The following HDAC7 variants were observed in gnomAD, a reference collection of about 807,000 sequenced individuals.
HDAC7 encodes histone deacetylase 7A.
In HDAC7, 26 loss-of-function variants were observed where a neutral mutation model predicts 115.5. The observed-to-expected ratio is 0.23, with a 90% CI of 0.16 to 0.31. The LOEUF (loss-of-function observed/expected upper bound fraction) is 0.31. HDAC7 is among the 10% of genes least tolerant of loss of function. The pLI is 1.00. For synonymous variants in HDAC7, 564 were observed against 550.9 expected (o/e 1.02, Z -0.33); for missense variants, 1,068 against 1,329.0 (o/e 0.80, Z 3.05).
At chr12:47,806,675 C>A (rs1256007939) in intron 1 of HDAC7, among the ~76,000 whole-genome samples, 2 of 152,064 alleles carry the variant, frequency 1.3e-5, no homozygotes, top group African/African-American at 4.8e-5. Context: ...GGCGACAGAG[C>A]AAGACTCCGT....
chr12:47,819,738 G>A (rs1489626519), intron 1 of HDAC7, 29 bp downstream of exon 1: 3 of 784,934 alleles, frequency 3.8e-6, no homozygotes, highest in African/African-American at 1.9e-5. Context: ...CGCGCAGGGC[G>A]GGGCGGGGGG....
At chr12:47,792,285 A>C in intron 13 of HDAC7, 36 of 476,546 alleles carry the variant, frequency 7.6e-5, no homozygotes, top group East Asian at 1.5e-4. Flanking sequence ...GCCTTCCCAC[A>C]TGCGGACACG....
At position 47,798,598 on chromosome 12, in the gene HDAC7, G is replaced by T. The variant is rs1447435678; in HGVS notation, c.313C>A (p.Leu105Met). ...TTGTCCTTGTGGAGAAGCTGCCGCA[G>T]CTCTTGTTCCTGGGGTCCCACCTGC... is the stretch of plus-strand genomic sequence containing the variant. ...ELQVGPQEQE[L>M]RQLLHKDKSK... Residue 105 changes from leucine (L) to methionine (M), a missense_variant, in exon 4 of 26, where the codon CTG becomes ATG. Leu to Met is a conservative substitution (Grantham distance 15). Around this residue, in one of 6 missense-constraint regions of HDAC7, gnomAD observed 161 missense variants for 158.5 expected, o/e 1.02. Coordinates refer to ENST00000080059, the MANE Select transcript of HDAC7 (RefSeq NM_015401.5). This position sits in a 1 kb window ranked among gnomAD's most constrained non-coding sequence, Gnocchi z 4.3. 1 of 1,614,050 alleles carries T rather than the reference G, an allele frequency of 6.2e-7. No individual in the cohort carries two copies. Among genetic ancestry groups the T allele is most frequent in the Admixed American group, 1.7e-5 (1 of 60,018 alleles).
intron 1 of HDAC7, among the ~76,000 whole-genome samples, chr12:47,810,039 C>T (rs1363948310): frequency 1.3e-5 from 2 of 152,058 alleles, no homozygotes; most frequent in African/African-American, 2.4e-5. Context: ...CTCTGCCTCC[C>T]GGATTCAAGT....
At chr12:47,789,047 G>T (rs1432612984) in intron 19 of HDAC7, 3 of 570,426 alleles carry the variant, frequency 5.3e-6, no homozygotes, top group Non-Finnish European at 9.4e-6. Context: ...CGTTGCAGGG[G>T]TTTGCGATGG....
intron 1 of HDAC7, among the ~76,000 whole-genome samples, chr12:47,814,762 C>T (rs995435735): frequency 3.3e-5 from 5 of 152,188 alleles, no homozygotes; most frequent in East Asian, 3.8e-4. Context: ...TTCACAAGCA[C>T]GGCTCCAGAG....
chr12:47,808,266 G>C (rs925830053), intron 1 of HDAC7, among the ~76,000 whole-genome samples: 1 of 152,158 alleles, frequency 6.6e-6, no homozygotes, highest in Non-Finnish European at 1.5e-5. Context: ...TCCCACATGC[G>C]GCTGTTGTAA....
Position 47,795,482 on chromosome 12 carries a change from A to C in HDAC7, c.1088-102T>G. On this transcript the variant is annotated intron_variant, in intron 10 of 25. Coordinates refer to ENST00000080059, the MANE Select transcript of HDAC7 (RefSeq NM_015401.5). This position sits in a 1 kb window ranked among gnomAD's most constrained non-coding sequence, Gnocchi z 4.3. Reference sequence around the variant, plus strand: ...GCCAGGGTGCAGCAGGGCAATGCGCAGGACAGGGGGACAGAGATGGGGAGG... The same window carrying C: ...GCCAGGGTGCAGCAGGGCAATGCGCCGGACAGGGGGACAGAGATGGGGAGG... 2 of 1,394,168 alleles carry C rather than the reference A, an allele frequency of 1.4e-6. No individual in the cohort carries two copies. Among genetic ancestry groups the C allele is most frequent in the Non-Finnish European group, 9.9e-7 (1 of 1,011,458 alleles). 86.4% of individuals were successfully genotyped at this position (1,394,168 alleles called of 1,614,324 possible).
intron 2 of HDAC7, among the ~76,000 whole-genome samples, chr12:47,800,270 T>G (rs1944098916): frequency 6.6e-6 from 1 of 152,156 alleles, no homozygotes. Context: ...AGAGCTAGCA[T>G]GGGTTCTGGT....
rs1473604718 is a variant in HDAC7, at chr12:47,789,311, G to A, written c.2185C>T (p.Arg729Trp). 1.9e-6 allele frequency: 3 copies of A among 1,614,020 alleles called. No individual in the cohort carries two copies. Among genetic ancestry groups the A allele is most frequent in the Non-Finnish European group, 2.5e-6 (3 of 1,180,012 alleles). The change falls in exon 19 of 26, where the codon CGG becomes TGG. Residue 729 changes from arginine to tryptophan, a missense_variant. Physicochemically the swap from Arg to Trp is moderately radical, Grantham distance 101 (BLOSUM62 -3). Coordinates refer to ENST00000080059, the MANE Select transcript of HDAC7 (RefSeq NM_015401.5). ...GCCTTGCTCTGCTGTTGCAGCTGCCGGCAGGCGATGGCCACTGAGTTGAAG... is the reference window on the plus strand; with the variant it reads ...GCCTTGCTCTGCTGTTGCAGCTGCCAGCAGGCGATGGCCACTGAGTTGAAG... ...CFFNSVAIAC[R>W]QLQQQSKASK... is the part of the protein sequence containing the mutation.
In HDAC7 at chr12:47,795,587, C is replaced by G; in HGVS notation, c.1087G>C (p.Val363Leu). ...PSGSHAPLLT[V>L]PGLGPLPFHF... Reference sequence around the variant, plus strand: ...TTCCCTGAAGAAGCAGCAGACTCACCAGTCAGCAGCGGGGCATGAGAGCCT... The same window carrying G: ...TTCCCTGAAGAAGCAGCAGACTCACGAGTCAGCAGCGGGGCATGAGAGCCT... Residue 363 changes from valine (V) to leucine (L), a missense_variant and splice_region_variant, in exon 10 of 26, where the codon GTG (valine) becomes CTG (leucine). By Grantham distance (32) the Val-to-Leu change is conservative (BLOSUM62 1). Coordinates refer to ENST00000080059, the MANE Select transcript of HDAC7 (RefSeq NM_015401.5). This position sits in a 1 kb window ranked among gnomAD's most constrained non-coding sequence, Gnocchi z 4.3. 6.4e-7 allele frequency: 1 copy of G among 1,558,500 alleles called. No homozygotes were observed. The highest frequency in any genetic ancestry group is 8.7e-7 in the Non-Finnish European group (1 of 1,151,514).
chr12:47,786,037 G>T, intron 22 of HDAC7, 152 bp from the exon 23 acceptor site: 1 of 800,128 alleles, frequency 1.2e-6, no homozygotes, highest in Non-Finnish European at 1.9e-6. Flanking sequence ...ATTGAATGTC[G>T]TACAAAACCT....
intron 1 of HDAC7, among the ~76,000 whole-genome samples, chr12:47,811,320 C>G (rs1308650440): frequency 6.6e-6 from 1 of 152,140 alleles, no homozygotes. Context: ...ACAAATCCAG[C>G]TAGGGTGCTT....
rs185106225 is a variant in HDAC7, at chr12:47,816,077, A to G, written c.19+3690T>C. Among the ~76,000 whole-genome samples, 64 of 152,020 alleles carry G rather than the reference A, an allele frequency of 4.2e-4. No homozygotes were observed. The East Asian group carries it at 9.1e-3, about 22-fold the overall frequency. On this transcript the variant is annotated intron_variant, in intron 1 of 25. Coordinates refer to ENST00000080059, the MANE Select transcript of HDAC7 (RefSeq NM_015401.5). The stretch of plus-strand genomic sequence containing the variant: ...GGCTAATTTTTTGTATTTTTAGTAG[A>G]GACAGGGTTTCGCCGCATTGGCCAG...
In HDAC7 at chr12:47,797,371, T is replaced by G. The variant is rs767280913; in HGVS notation, c.577+13A>C. On this transcript the variant is annotated intron_variant, in intron 6 of 25. Transcript: ENST00000080059. This position sits in a 1 kb window ranked among gnomAD's most constrained non-coding sequence, Gnocchi z 5.5. ...TCCTTTGCCTGAAAGGTCCGCCTGT[T>G]TGTTCAGCTCACCTGTCTTGCGCAG... is the stretch of plus-strand genomic sequence containing the variant. 7 of 1,611,402 alleles carry G rather than the reference T, an allele frequency of 4.3e-6. No homozygotes were observed. In the Admixed American group the frequency reaches 1.2e-4, roughly 27 times the overall value.
In HDAC7 at chr12:47,789,854, C is replaced by T; in HGVS notation, c.2050G>A (p.Val684Ile). 1 of 1,613,960 alleles carries T rather than the reference C, an allele frequency of 6.2e-7. No individual in the cohort carries two copies. The highest frequency in any genetic ancestry group is 8.5e-7 in the Non-Finnish European group (1 of 1,180,032). ...SNAARWAAGSVTDLAFKVASR... is the reference protein window; with the variant it reads ...SNAARWAAGSITDLAFKVASR... The stretch of plus-strand genomic sequence containing the variant: ...GCCACTTTGAAGGCGAGGTCAGTGA[C>T]ACTGCCAGCGGCCCAGCGGGCTGCA... The change falls in exon 17 of 26, where the codon GTC (valine) becomes ATC (isoleucine). Residue 684 changes from valine to isoleucine, a missense_variant. Around this residue, in one of 6 missense-constraint regions of HDAC7, gnomAD observed 182 missense variants for 301.1 expected, o/e 0.60. Transcript: ENST00000080059.
chr12:47,794,677 T>C (rs1464541003), intron 12 of HDAC7, 83 bp downstream of exon 12: 58 of 1,376,000 alleles, frequency 4.2e-5, no homozygotes, highest in Non-Finnish European at 5.4e-5. Context: ...ACTGATGTCG[T>C]ATCTCCCTCC....
intron 2 of HDAC7, among the ~76,000 whole-genome samples, chr12:47,800,450 G>A (rs959488792): frequency 2.0e-5 from 3 of 152,198 alleles, no homozygotes; most frequent in African/African-American, 7.2e-5. Flanking sequence ...CAGCAAGGAG[G>A]TGCCCGCCAT....
Position 47,793,397 on chromosome 12 carries a change from G to T in HDAC7, c.1650C>A (p.Thr550=). The change falls in exon 13 of 26, where the codon ACC becomes ACA. Residue 550 remains threonine, a synonymous_variant. Transcript: ENST00000080059. This position sits in a 1 kb window ranked among gnomAD's most constrained non-coding sequence, Gnocchi z 4.5. ...SQARVLSSSE[T]PARTLPFTTG... ...TGGTGAAGGGCAGGGTCCTGGCAGG[G>T]GTCTCTGAGCTGGAGAGGACTCGGG... is the stretch of plus-strand genomic sequence containing the variant. 2.6e-6 allele frequency: 4 copies of T among 1,554,966 alleles called. No individual in the cohort carries two copies. The highest frequency in any genetic ancestry group is 2.6e-6 in the Non-Finnish European group (3 of 1,148,778).
Sources: gnomAD v4.1 joint callset for allele counts (sites outside exome capture counted in the v4.1 genomes callset) on GRCh38, gnomAD v4.1.1 for gene constraint, gnomAD v4.1.1 regional missense constraint, Gnocchi (gnomAD v3.1) non-coding constraint, MANE v1.5 for transcripts, NCBI Gene and HGNC (gene_info 2026-07-23, HGNC 2026-07-21) for gene names.